The following TLE1 variants were observed in gnomAD, a reference collection of about 807,000 sequenced individuals.
TLE1 encodes the protein transducin-like enhancer protein 1.
A neutral mutation model predicts 89.8 loss-of-function variants in TLE1; 21 were observed. That is an observed-to-expected ratio of 0.23 (90% CI 0.17 to 0.34). TLE1 has a LOEUF of 0.34. TLE1 is among the 10% of genes least tolerant of loss of function. TLE1 has a pLI of 1.00. For missense variants in TLE1, 795 were observed against 1,031.2 expected (o/e 0.77, Z 3.14); for synonymous variants, 447 against 407.6 (o/e 1.10, Z -1.16).
At chr9:81,589,029 C>T (rs1384082508) in intron 16 of TLE1, among the ~76,000 whole-genome samples, 2 of 152,208 alleles carry the variant, frequency 1.3e-5, no homozygotes, top group Non-Finnish European at 2.9e-5. Flanking sequence ...CCAACTTCTG[C>T]ACTTTAGGAT....
At chr9:81,639,587 T>TG (rs1491135126) in intron 6 of TLE1, among the ~76,000 whole-genome samples, 24 of 145,994 alleles carry the variant, frequency 1.6e-4, no homozygotes, top group Admixed American at 9.9e-4. Context: ...TTTTTTTTTT[T>TG]GTTTTTTTTT....
At chr9:81,616,750 G>T in intron 9 of TLE1, 51 bp from the exon 10 acceptor site, 1 of 1,603,220 alleles carries the variant, frequency 6.2e-7, no homozygotes, top group Non-Finnish European at 8.5e-7. Flanking sequence ...GAATAGGTTT[G>T]AGGCACAGTT....
chr9:81,688,018 G>A lies in TLE1; in HGVS notation c.24+199C>T, dbSNP rs534935223. ...CTCGGTATAGACGTCAAGTAGGAAG[G>A]AGCCCAAAGGGAGGGAGAAAATTAA... On this transcript the variant is annotated intron_variant, in intron 1 of 19. Transcript: ENST00000376499. 9.2e-5 allele frequency among the ~76,000 whole-genome samples: 14 copies of A among 152,118 alleles called. No individual in the cohort carries two copies. The East Asian group carries it at 2.0e-3, about 21-fold the overall frequency.
chr9:81,669,874 A>C (rs964978855), intron 4 of TLE1, among the ~76,000 whole-genome samples: 3 of 152,192 alleles, frequency 2.0e-5, no homozygotes, highest in African/African-American at 7.2e-5. Context: ...CGACTTTTTA[A>C]AGATAATGTT....
chr9:81,645,519 T>A (rs1419423598), intron 6 of TLE1, among the ~76,000 whole-genome samples: 1 of 151,998 alleles, frequency 6.6e-6, no homozygotes, highest in African/African-American at 2.4e-5. Flanking sequence ...GATGGGTGGA[T>A]CCCCTGAGGT....
intron 4 of TLE1, among the ~76,000 whole-genome samples, chr9:81,670,331 C>T (rs1022313315): frequency 3.3e-5 from 5 of 152,012 alleles, no homozygotes; most frequent in African/African-American, 1.2e-4. Flanking sequence ...AAAGTCCCTT[C>T]CCTTTTTTTT....
At chr9:81,618,027 A>AAAC (rs5898750) in intron 9 of TLE1, among the ~76,000 whole-genome samples, 57,493 of 151,558 alleles carry the variant, frequency 0.38, 14,650 homozygotes, top group African/African-American at 0.71. Flanking sequence ...CTCCGTCTCA[A>AAAC]AACAACAACA....
At chr9:81,680,192 G>C (rs1325185808) in intron 4 of TLE1, among the ~76,000 whole-genome samples, 1 of 152,142 alleles carries the variant, frequency 6.6e-6, no homozygotes, top group Non-Finnish European at 1.5e-5. Context: ...ACTGAAGCCA[G>C]GGAACGTGTT....
chr9:81,632,277 ACTAG>A (rs1234634003), intron 8 of TLE1, among the ~76,000 whole-genome samples: 2 of 152,096 alleles, frequency 1.3e-5, no homozygotes, highest in Non-Finnish European at 2.9e-5. Context: ...GAATTTTAAA[ACTAG>A]CTACCCTTTC....
At chr9:81,648,716 A>T (rs1194176075) in intron 6 of TLE1, among the ~76,000 whole-genome samples, 2 of 152,246 alleles carry the variant, frequency 1.3e-5, no homozygotes, top group Non-Finnish European at 2.9e-5. Flanking sequence ...TCAATCAATT[A>T]TCCCTGCATT....
At chr9:81,605,225 T>A (rs1177733742) in intron 14 of TLE1, among the ~76,000 whole-genome samples, 1 of 152,176 alleles carries the variant, frequency 6.6e-6, no homozygotes, top group Non-Finnish European at 1.5e-5. Context: ...TCATTTCTCT[T>A]AAGTGCCTCA....
intron 14 of TLE1, among the ~76,000 whole-genome samples, chr9:81,601,808 G>A (rs892567586): frequency 1.3e-5 from 2 of 152,048 alleles, no homozygotes; most frequent in Non-Finnish European, 2.9e-5. Flanking sequence ...TCGAAAATGC[G>A]AACAAGGGAT....
chr9:81,678,222 T>A (rs1181794843), intron 4 of TLE1, among the ~76,000 whole-genome samples: 1 of 152,186 alleles, frequency 6.6e-6, no homozygotes, highest in East Asian at 1.9e-4. Flanking sequence ...TGTTTGTGTG[T>A]TCTGAGACAA....
chr9:81,659,199 C>T (rs890569193), intron 4 of TLE1, among the ~76,000 whole-genome samples: 1 of 152,132 alleles, frequency 6.6e-6, no homozygotes, highest in African/African-American at 2.4e-5. Flanking sequence ...TGAGCCACCG[C>T]GCCTGGCCTC....
chr9:81,675,084 G>T (rs1184204040), intron 4 of TLE1, among the ~76,000 whole-genome samples: 1 of 152,102 alleles, frequency 6.6e-6, no homozygotes, highest in Non-Finnish European at 1.5e-5. Context: ...CTAAAGAAAG[G>T]CCTGATCCTC....
chr9:81,623,616 TTAAA>T (rs1563985648), intron 8 of TLE1, among the ~76,000 whole-genome samples: 11 of 84,368 alleles, frequency 1.3e-4, no homozygotes, highest in Admixed American at 3.4e-4. Flanking sequence ...CCATCTGTAC[TTAAA>T]AAAAAAAAAA....
chr9:81,613,720 G>A (rs975098162), intron 11 of TLE1, among the ~76,000 whole-genome samples, 199 bp from the exon 12 acceptor site: 4 of 151,940 alleles, frequency 2.6e-5, no homozygotes, highest in African/African-American at 9.7e-5. Flanking sequence ...ATTAAAACTC[G>A]AGCTAGAGAC....
chr9:81,687,950 G>A lies in TLE1; in HGVS notation c.24+267C>T, dbSNP rs17085015. Among the ~76,000 whole-genome samples the A allele has an allele frequency of 3.2e-3, 482 of 152,204 alleles. 9 individuals carry two copies. Among genetic ancestry groups the A allele is most frequent in the East Asian group, 0.018 (92 of 5,132 alleles). On this transcript the variant is annotated intron_variant, in intron 1 of 19. Transcript: ENST00000376499. ...ACTCGGGGAAGGTAGAGGGGATATGGCTGCAGGAGAGAAACCCCAGCCTTC... is the reference window on the plus strand; with the variant it reads ...ACTCGGGGAAGGTAGAGGGGATATGACTGCAGGAGAGAAACCCCAGCCTTC...
chr9:81,585,445 TAAGA>T, intron 18 of TLE1, 56 bp downstream of exon 18: 1 of 1,578,994 alleles, frequency 6.3e-7, no homozygotes, highest in Admixed American at 1.8e-5. Context: ...CATATTTTTT[TAAGA>T]AGCATTTTCC....
Sources: gnomAD v4.1 joint callset for allele counts (sites outside exome capture counted in the v4.1 genomes callset) on GRCh38, gnomAD v4.1.1 for gene constraint, MANE v1.5 for transcripts, NCBI Gene and HGNC (gene_info 2026-07-23, HGNC 2026-07-21) for gene names.